Variants in CTNND2 observed in about 807,000 individuals in gnomAD.
The protein encoded by CTNND2 is catenin delta 2.
In CTNND2, 22 loss-of-function variants were observed where a neutral mutation model predicts 144.4. That is an observed-to-expected ratio of 0.15 (90% confidence interval 0.11 to 0.22). The LOEUF is 0.22. CTNND2 is among the 10% of genes least tolerant of loss of function. The pLI, the probability that CTNND2 is intolerant of heterozygous loss-of-function variation, is 1.00. For synonymous variants in CTNND2, 751 were observed against 695.6 expected (o/e 1.08, Z -1.25); for missense variants, 1,353 against 1,618.8 (o/e 0.84, Z 2.82).
chr5:11,167,642 G>T (rs1236974064), intron 11 of CTNND2, among the ~76,000 whole-genome samples: 1 of 150,902 alleles, frequency 6.6e-6, no homozygotes, highest in African/African-American at 2.4e-5. Flanking sequence ...AACATTAAAA[G>T]TTTAGATCAA....
chr5:10,986,260 C>T (rs938485120), intron 20 of CTNND2, among the ~76,000 whole-genome samples: 2 of 152,180 alleles, frequency 1.3e-5, no homozygotes, highest in African/African-American at 2.4e-5. Flanking sequence ...GTCCAGGGCA[C>T]AATTATGTGC....
chr5:11,252,208 T>C (rs1743733895), intron 9 of CTNND2, among the ~76,000 whole-genome samples: 1 of 152,196 alleles, frequency 6.6e-6, no homozygotes, highest in Non-Finnish European at 1.5e-5. Context: ...CCCCAGATCC[T>C]TTGTTGGGCT....
chr5:11,489,424 A>G (rs1769176409), intron 3 of CTNND2, among the ~76,000 whole-genome samples: 1 of 152,196 alleles, frequency 6.6e-6, no homozygotes, highest in South Asian at 2.1e-4. Context: ...AAAATTTGTA[A>G]GACATAAAAA....
At chr5:11,420,795 T>C (rs1762306477) in intron 3 of CTNND2, among the ~76,000 whole-genome samples, 1 of 152,202 alleles carries the variant, frequency 6.6e-6, no homozygotes, top group African/African-American at 2.4e-5. Context: ...AGATGATATA[T>C]CTTCTTTTTG....
Position 11,514,319 on chromosome 5 carries a change from A to G in CTNND2, c.287+50625T>C, listed in dbSNP as rs112774435. ...TTAAAATAAAGCCTAATACCTGGCT[A>G]CATATCCAAGGTAATCCAGGTTTAA... On this transcript the variant is annotated intron_variant, in intron 3 of 21. Transcript: ENST00000304623. Among the ~76,000 whole-genome samples the G allele has an allele frequency of 2.8e-3, 421 of 152,366 alleles. 3 individuals are homozygous for G. Among genetic ancestry groups the G allele is most frequent in the African/African-American group, 9.7e-3 (402 of 41,584 alleles).
rs367770543 is a variant in CTNND2 at position 11,903,862 on chromosome 5, C to T, written c.-9G>A. ...GGCTTCCTCGCAAACATGCACCCTC[C>T]GCCGGCGACAGCTCCTCAGTCCGGG... is the stretch of plus-strand genomic sequence containing the variant. On this transcript the variant is annotated 5_prime_UTR_variant, in exon 1 of 22. Transcript: ENST00000304623. This position sits in a 1 kb window ranked among gnomAD's most constrained non-coding sequence, Gnocchi z 5.4. The T allele has an allele frequency of 5.0e-3, 7,434 of 1,479,640 alleles. 21 individuals are homozygous for T. Among genetic ancestry groups the T allele is most frequent in the Non-Finnish European group, 6.2e-3 (6,990 of 1,120,718 alleles). The allele number at this position is 1,479,640 out of a possible 1,614,324, so 91.7% of individuals were successfully genotyped here. A position where few individuals can be genotyped will look rare whatever the true frequency, so the allele number is the denominator to read the frequency against.
At chr5:11,375,419 T>G (rs1757839562) in intron 7 of CTNND2, among the ~76,000 whole-genome samples, 1 of 152,210 alleles carries the variant, frequency 6.6e-6, no homozygotes, top group Non-Finnish European at 1.5e-5. Context: ...TTCAACATAA[T>G]ATTCAGCATA....
At chr5:11,867,836 G>A (rs1462214584) in intron 1 of CTNND2, among the ~76,000 whole-genome samples, 2 of 151,234 alleles carry the variant, frequency 1.3e-5, no homozygotes, top group Non-Finnish European at 2.9e-5. Context: ...TTAAAATAAT[G>A]TACTATTTAT....
chr5:11,412,495 A>G (rs1006846561), intron 3 of CTNND2, among the ~76,000 whole-genome samples: 1 of 152,136 alleles, frequency 6.6e-6, no homozygotes, highest in African/African-American at 2.4e-5. Context: ...CTTTGCCTCC[A>G]TTTAGCCATA....
chr5:11,713,625 A>T (rs979902831), intron 2 of CTNND2, among the ~76,000 whole-genome samples: 4 of 151,220 alleles, frequency 2.6e-5, no homozygotes, highest in Non-Finnish European at 5.9e-5. Flanking sequence ...ATATACATAT[A>T]TATAAAGGAC....
chr5:11,249,860 A>C (rs934000579), intron 9 of CTNND2, among the ~76,000 whole-genome samples: 4 of 152,110 alleles, frequency 2.6e-5, no homozygotes, highest in African/African-American at 7.2e-5. Context: ...CAAAAAAAAA[A>C]ACCAAAACAC....
At chr5:10,980,771 C>T (rs918143797) in intron 21 of CTNND2, among the ~76,000 whole-genome samples, 9 of 152,046 alleles carry the variant, frequency 5.9e-5, no homozygotes, top group South Asian at 4.1e-4. Context: ...AAGCTGGAAA[C>T]ATCATTCTCA....
chr5:11,043,539 A>G (rs940421316), intron 16 of CTNND2, among the ~76,000 whole-genome samples: 2 of 152,234 alleles, frequency 1.3e-5, no homozygotes, highest in Admixed American at 1.3e-4. Flanking sequence ...TAGAAAAAAC[A>G]TAAGGTATGA....
intron 15 of CTNND2, chr5:11,083,901 C>A: frequency 2.2e-5 from 25 of 1,146,506 alleles, no homozygotes; most frequent in Non-Finnish European, 2.7e-5. Context: ...CAGGGAGCCC[C>A]CTCTGGCAGT....
chr5:11,131,991 G>A (rs1248973008), intron 12 of CTNND2, among the ~76,000 whole-genome samples: 2 of 152,080 alleles, frequency 1.3e-5, no homozygotes, highest in African/African-American at 4.8e-5. Context: ...TCTATTTCTT[G>A]TTTTTGTGAT....
intron 11 of CTNND2, among the ~76,000 whole-genome samples, chr5:11,188,559 A>G (rs1473877590): frequency 2.0e-5 from 3 of 152,166 alleles, no homozygotes; most frequent in Non-Finnish European, 2.9e-5. Flanking sequence ...CATGGCACAC[A>G]TTTACCTGTT....
chr5:11,707,085 CAAAA>C (rs372658494), intron 2 of CTNND2, among the ~76,000 whole-genome samples: 2 of 103,148 alleles, frequency 1.9e-5, no homozygotes, highest in Admixed American at 1.1e-4. Flanking sequence ...TACTCCATCT[CAAAA>C]AAAAAAAAAA....
At chr5:11,362,183 C>T (rs929177445) in intron 8 of CTNND2, among the ~76,000 whole-genome samples, 3 of 147,496 alleles carry the variant, frequency 2.0e-5, no homozygotes, top group African/African-American at 7.4e-5. Context: ...ATGACCCCCA[C>T]AAAGATATTG....
intron 1 of CTNND2, among the ~76,000 whole-genome samples, chr5:11,807,470 T>TA (rs377594444): frequency 6.6e-6 from 1 of 152,310 alleles, no homozygotes; most frequent in African/African-American, 2.4e-5. Flanking sequence ...CTTTTGCCCT[T>TA]AGTGTTCCAC....
Sources: allele counts gnomAD v4.1 joint callset (sites outside exome capture counted in the v4.1 genomes callset), GRCh38; gene constraint gnomAD v4.1.1; non-coding constraint Gnocchi (gnomAD v3.1); transcripts MANE v1.5; gene names NCBI Gene and HGNC (gene_info 2026-07-23, HGNC 2026-07-21).